The following ST3GAL5 variants were observed in gnomAD, a reference collection of about 807,000 sequenced individuals.
ST3GAL5 encodes lactosylceramide alpha-2,3-sialyltransferase.
In ST3GAL5, 25 loss-of-function variants were observed where a neutral mutation model predicts 46.1. That is an observed-to-expected ratio of 0.54 (90% CI 0.40 to 0.76). ST3GAL5 has a LOEUF of 0.76. ST3GAL5 is among the 30% of genes least tolerant of loss of function. The pLI, the probability that ST3GAL5 is intolerant of heterozygous loss-of-function variation, is 0.00. For synonymous variants in ST3GAL5, 182 were observed against 192.7 expected (o/e 0.94, Z 0.46); for missense variants, 431 against 521.2 (o/e 0.83, Z 1.69).
At chr2:85,879,421 A>G (rs771482677) in intron 1 of ST3GAL5, among the ~76,000 whole-genome samples, 1 of 152,230 alleles carries the variant, frequency 6.6e-6, no homozygotes, top group African/African-American at 2.4e-5. Context: ...TTAATGGTGA[A>G]GGTAGGGGTG....
chr2:85,854,362 T>G (rs1394049951), intron 3 of ST3GAL5: 1 of 151,944 alleles, frequency 6.6e-6, no homozygotes, highest in Non-Finnish European at 1.5e-5. Flanking sequence ...TGGTCAGGAG[T>G]CCTCACTGAA....
chr2:85,858,001 C>T (rs1313823775), intron 3 of ST3GAL5: 2 of 152,060 alleles, frequency 1.3e-5, no homozygotes, highest in African/African-American at 4.8e-5. Context: ...ATGAGAGGCT[C>T]GTATGAATTA....
At chr2:85,858,665 T>C (rs1256054966) in intron 3 of ST3GAL5, among the ~76,000 whole-genome samples, 1 of 152,228 alleles carries the variant, frequency 6.6e-6, no homozygotes, top group Non-Finnish European at 1.5e-5. Flanking sequence ...GGTCTGTTTA[T>C]CCCATCTTTG....
intron 1 of ST3GAL5, chr2:85,888,091 C>A (rs59317756): frequency 0.044 from 6,735 of 152,170 alleles, 212 homozygotes; most frequent in East Asian, 0.11. Flanking sequence ...CCTCGGCCAT[C>A]GGCAGGGTAA....
At chr2:85,851,142 C>T in intron 3 of ST3GAL5, 1 of 584,212 alleles carries the variant, frequency 1.7e-6, no homozygotes, top group South Asian at 6.2e-5. Flanking sequence ...GTCTCAAACT[C>T]CTGACCTAGT....
chr2:85,867,470 T>C (rs1157427076), intron 1 of ST3GAL5: 4 of 705,066 alleles, frequency 5.7e-6, no homozygotes, highest in Non-Finnish European at 7.9e-6. Flanking sequence ...TCTACACATG[T>C]AGTTACCTCC....
At chr2:85,888,765 C>T in intron 1 of ST3GAL5, 59 bp downstream of exon 1, 1 of 1,145,814 alleles carries the variant, frequency 8.7e-7, no homozygotes, top group Non-Finnish European at 1.1e-6. Context: ...GACAAGTCGC[C>T]GCCGCAGCCC....
intron 1 of ST3GAL5, among the ~76,000 whole-genome samples, chr2:85,886,741 C>A (rs1485037833): frequency 6.6e-6 from 1 of 152,206 alleles, no homozygotes; most frequent in Non-Finnish European, 1.5e-5. Flanking sequence ...TTTCCTCCCA[C>A]ACCAGGCCTG....
In ST3GAL5 at chr2:85,859,738, C is replaced by T. The variant is rs142728072; in HGVS notation, c.318+1443G>A. 1.5e-3 allele frequency among the ~76,000 whole-genome samples: 222 copies of T among 152,210 alleles called. 1 individual carries two copies. Among genetic ancestry groups the T allele is most frequent in the African/African-American group, 3.4e-3 (142 of 41,528 alleles). On this transcript the variant is annotated intron_variant, in intron 3 of 6. Coordinates refer to ENST00000638572, the MANE Select transcript of ST3GAL5 (RefSeq NM_003896.4). Reference sequence around the variant, plus strand: ...AAGGATGTACAAATTAAAGTAGAAACGTATGAATAAAAATTAGGATCAAGA... The same window carrying T: ...AAGGATGTACAAATTAAAGTAGAAATGTATGAATAAAAATTAGGATCAAGA...
chr2:85,888,908 T>G lies in ST3GAL5; in HGVS notation c.-3A>C. On this transcript the variant is annotated 5_prime_UTR_variant, in exon 1 of 7. An upstream open reading frame in the 5' UTR loses its in-frame stop. Transcript: ENST00000638572. ...CAGCCCGCCGCCTTCGTCCGCATAC[T>G]AATGAGGGGGCGCCGGCCGGCCGCC... The G allele has an allele frequency of 7.4e-6, 10 of 1,358,248 alleles. No individual in the cohort carries two copies. Among genetic ancestry groups the G allele is most frequent in the Non-Finnish European group, 9.5e-6 (10 of 1,048,596 alleles). 84.1% of individuals were successfully genotyped at this position (1,358,248 alleles called of 1,614,324 possible).
intron 1 of ST3GAL5, among the ~76,000 whole-genome samples, chr2:85,879,875 G>C (rs1001821302): frequency 6.6e-6 from 1 of 152,166 alleles, no homozygotes; most frequent in Non-Finnish European, 1.5e-5. Flanking sequence ...GAAAGTTTGT[G>C]GGCAATTTCT....
At chr2:85,882,849 A>AAAAAAAAT (rs869061140) in intron 1 of ST3GAL5, among the ~76,000 whole-genome samples, 4 of 151,116 alleles carry the variant, frequency 2.6e-5, no homozygotes, top group African/African-American at 4.9e-5. Context: ...AAAAAAAAAA[A>AAAAAAAAT]TTGACTGCTC....
At position 85,888,829 on chromosome 2, in the gene ST3GAL5, C is replaced by T; in HGVS notation, c.77G>A (p.Gly26Asp). 1 of 1,267,582 alleles carries T rather than the reference C, an allele frequency of 7.9e-7. No individual in the cohort carries two copies. The allele number at this position is 1,267,582 out of a possible 1,614,324, so 78.5% of individuals were successfully genotyped here. ...PRTEAAAAPA[G>D]RAMPSEYTYV... ...GAGGGGGCTGCGCCACGTACCTCGG[C>T]CGGCAGGTGCCGCCGCTGCCTCGGT... is the stretch of plus-strand genomic sequence containing the variant. The change falls in exon 1 of 7, where the codon GGC (glycine) becomes GAC (aspartate). Residue 26 changes from glycine to aspartate, a missense_variant. Physicochemically the swap from Gly to Asp is moderately conservative, Grantham distance 94. Coordinates refer to ENST00000638572, the MANE Select transcript of ST3GAL5 (RefSeq NM_003896.4).
chr2:85,884,492 G>A (rs929107085), intron 1 of ST3GAL5, among the ~76,000 whole-genome samples: 1 of 152,144 alleles, frequency 6.6e-6, no homozygotes, highest in Non-Finnish European at 1.5e-5. Context: ...AATTGGACAA[G>A]TGGCTCAGGT....
chr2:85,883,219 C>G (rs780387199), intron 1 of ST3GAL5, among the ~76,000 whole-genome samples: 1 of 152,128 alleles, frequency 6.6e-6, no homozygotes, highest in Non-Finnish European at 1.5e-5. Context: ...GTGGGAGGGA[C>G]CCGGGGGAGG....
chr2:85,863,565 T>A, intron 1 of ST3GAL5, 80 bp from the exon 2 acceptor site: 1 of 1,495,650 alleles, frequency 6.7e-7, no homozygotes, highest in South Asian at 1.1e-5. Context: ...TCAAAGAGCC[T>A]TTATATGTTG....
intron 3 of ST3GAL5, chr2:85,853,917 T>C (rs1024781314): frequency 2.5e-4 from 38 of 152,164 alleles, no homozygotes; most frequent in African/African-American, 9.2e-4. Context: ...AAGTGGAGCA[T>C]TTTAACAAGG....
At chr2:85,846,263 C>A in intron 5 of ST3GAL5, 114 bp downstream of exon 5, 1 of 947,550 alleles carries the variant, frequency 1.1e-6, no homozygotes, top group Non-Finnish European at 1.6e-6. Flanking sequence ...TGAAAGACAA[C>A]ACATAAGTAT....
At chr2:85,888,775 C>T (rs1189647998) in intron 1 of ST3GAL5, 49 bp downstream of exon 1, 5 of 1,169,688 alleles carry the variant, frequency 4.3e-6, no homozygotes, top group Non-Finnish European at 5.3e-6. Context: ...CGCCGCAGCC[C>T]CCAGCCCGCG....
Sources: gnomAD v4.1 joint callset for allele counts (sites outside exome capture counted in the v4.1 genomes callset) on GRCh38, gnomAD v4.1.1 for gene constraint, MANE v1.5 for transcripts, NCBI Gene and HGNC (gene_info 2026-07-23, HGNC 2026-07-21) for gene names.